PDE1A: variants seen among roughly 807,000 people sequenced by gnomAD.
PDE1A encodes phosphodiesterase 1A.
Under a neutral mutation model 61.7 loss-of-function variants are expected in PDE1A, and 35 were observed. The observed-to-expected ratio is 0.57, with a 90% CI of 0.43 to 0.75. PDE1A has a LOEUF of 0.75. Ranked by LOEUF, PDE1A falls within the 30% of genes least tolerant of loss-of-function variation. The pLI, the probability that PDE1A is intolerant of heterozygous loss-of-function variation, is 0.00. For synonymous variants in PDE1A, 232 were observed against 213.2 expected (o/e 1.09, Z -0.77); for missense variants, 597 against 630.6 (o/e 0.95, Z 0.57).
chr2:182,686,439 A>G, the PDE1A span, among the ~76,000 whole-genome samples: 2 of 152,226 alleles, frequency 1.3e-5, no homozygotes, highest in East Asian at 3.8e-4. Flanking sequence ...ACTAGTATTC[A>G]GAATTAAGGT....
At chr2:182,401,784 C>T (rs533470781) in intron 1 of PDE1A, among the ~76,000 whole-genome samples, 2 of 152,334 alleles carry the variant, frequency 1.3e-5, no homozygotes, top group African/African-American at 4.8e-5. Flanking sequence ...ACCTCACTGT[C>T]TCAGCTCAAA....
intron 1 of PDE1A, among the ~76,000 whole-genome samples, chr2:182,345,216 A>G (rs1009155649): frequency 6.6e-6 from 1 of 152,200 alleles, no homozygotes; most frequent in Non-Finnish European, 1.5e-5. Flanking sequence ...AACACTGAAT[A>G]TGCTGATAAA....
At chr2:182,450,948 A>C (rs1321772237) in intron 2 of PDE1A, among the ~76,000 whole-genome samples, 2 of 152,158 alleles carry the variant, frequency 1.3e-5, no homozygotes. Flanking sequence ...CCTTCTGAGA[A>C]ATCTAATTTA....
intron 1 of PDE1A, among the ~76,000 whole-genome samples, chr2:182,320,915 T>C (rs1696654104): frequency 6.6e-6 from 1 of 152,180 alleles, no homozygotes; most frequent in Non-Finnish European, 1.5e-5. Flanking sequence ...AAATGAAATA[T>C]TTTGCAAAAT....
At chr2:182,352,653 GT>G (rs11405472) in intron 1 of PDE1A, among the ~76,000 whole-genome samples, 54 of 145,224 alleles carry the variant, frequency 3.7e-4, no homozygotes, top group African/African-American at 9.8e-4. Flanking sequence ...TCACTCTGTT[GT>G]TTTTTTTTTT....
At chr2:182,468,400 T>C (rs1163257981) in intron 2 of PDE1A, among the ~76,000 whole-genome samples, 2 of 151,956 alleles carry the variant, frequency 1.3e-5, no homozygotes, top group Non-Finnish European at 2.9e-5. Context: ...CCTTTGCTCA[T>C]CCATAAAAAG....
intron 1 of PDE1A, among the ~76,000 whole-genome samples, chr2:182,269,689 T>G (rs1203874519): frequency 1.3e-5 from 2 of 152,024 alleles, no homozygotes; most frequent in Non-Finnish European, 1.5e-5. Context: ...AAAATGCAAA[T>G]GATCCTAATA....
chr2:182,688,305 GC>G, the PDE1A span, among the ~76,000 whole-genome samples: 12 of 152,186 alleles, frequency 7.9e-5, no homozygotes, highest in Non-Finnish European at 1.5e-4. Context: ...ACAAAGGGAA[GC>G]CCATCAGACT....
chr2:182,179,555 G>A (rs1386851431), intron 13 of PDE1A, among the ~76,000 whole-genome samples: 1 of 152,098 alleles, frequency 6.6e-6, no homozygotes, highest in Non-Finnish European at 1.5e-5. Context: ...TAAATGATTA[G>A]AGAAGGCATA....
intron 13 of PDE1A, among the ~76,000 whole-genome samples, chr2:182,172,502 C>G (rs1209098359): frequency 1.3e-5 from 2 of 152,102 alleles, no homozygotes; most frequent in South Asian, 2.1e-4. Context: ...AGAAATGATG[C>G]ACACACCCAA....
intron 1 of PDE1A, among the ~76,000 whole-genome samples, chr2:182,277,421 T>C (rs1693502344): frequency 6.6e-6 from 1 of 152,100 alleles, no homozygotes; most frequent in Non-Finnish European, 1.5e-5. Context: ...GGGAATGCCA[T>C]CATCCATTTG....
chr2:182,183,491 G>A (rs1403659982), intron 13 of PDE1A, among the ~76,000 whole-genome samples: 2 of 152,088 alleles, frequency 1.3e-5, no homozygotes, highest in Non-Finnish European at 2.9e-5. Context: ...CTTGGAATGG[G>A]AAGGCAGCAA....
At chr2:182,603,319 G>C in the PDE1A span, among the ~76,000 whole-genome samples, 2 of 152,246 alleles carry the variant, frequency 1.3e-5, no homozygotes, top group South Asian at 4.1e-4. Flanking sequence ...TAGCACAGAA[G>C]AGGTGAGTTG....
intron 2 of PDE1A, among the ~76,000 whole-genome samples, chr2:182,484,402 A>C (rs1687885194): frequency 6.6e-6 from 1 of 152,068 alleles, no homozygotes; most frequent in African/African-American, 2.4e-5. Flanking sequence ...ACCCAAAACT[A>C]TAAAAACTCT....
chr2:182,160,636 T>C (rs1259991235), intron 13 of PDE1A, among the ~76,000 whole-genome samples: 1 of 152,056 alleles, frequency 6.6e-6, no homozygotes, highest in Non-Finnish European at 1.5e-5. Context: ...GCCTCCTTGG[T>C]TTTGAGGCTT....
At chr2:182,700,785 C>T in the PDE1A span, among the ~76,000 whole-genome samples, 2 of 145,072 alleles carry the variant, frequency 1.4e-5, no homozygotes, top group Non-Finnish European at 1.5e-5. Flanking sequence ...GGCGTATTGG[C>T]AGGCACCTGT....
chr2:182,570,726 T>C, the PDE1A span, among the ~76,000 whole-genome samples: 1 of 152,316 alleles, frequency 6.6e-6, no homozygotes, highest in Middle Eastern at 3.4e-3. Context: ...GAGCAATATA[T>C]GTCCTTCAGT....
At chr2:182,147,061 C>A in exon 14 of PDE1A, 2 of 1,532,752 alleles carry the variant, frequency 1.3e-6, no homozygotes, top group Admixed American at 1.8e-5. Flanking sequence ...TGACAGAAGT[C>A]TTTAAGGTGT....
At chr2:182,674,137 G>T in the PDE1A span, among the ~76,000 whole-genome samples, 1 of 151,874 alleles carries the variant, frequency 6.6e-6, no homozygotes, top group Non-Finnish European at 1.5e-5. Context: ...ATCACTGTTA[G>T]TAAGTGGTAT....
Sources: allele counts gnomAD v4.1 joint callset (sites outside exome capture counted in the v4.1 genomes callset), GRCh38; gene constraint gnomAD v4.1.1; transcripts MANE v1.5; gene names NCBI Gene and HGNC (gene_info 2026-07-23, HGNC 2026-07-21).